ASB1: variants seen among roughly 807,000 people sequenced by gnomAD.
ASB1 encodes the protein ankyrin repeat and SOCS box protein 1.
ASB1 carries 18 observed loss-of-function variants against 27.7 expected under a neutral mutation model. The ratio of observed to expected loss-of-function variants is 0.65; its 90% CI spans 0.45 to 0.96. The LOEUF is 0.96. ASB1 is among the 50% of genes least tolerant of loss of function. ASB1 has a pLI of 0.00. For missense variants in ASB1, 397 were observed against 451.7 expected (o/e 0.88, Z 1.10); for synonymous variants, 189 against 187.6 (o/e 1.01, Z -0.06).
chr2:238,438,829 ATTTTAGAAAAAAGG>A (rs1702022958), intron 3 of ASB1, among the ~76,000 whole-genome samples: 1 of 152,198 alleles, frequency 6.6e-6, no homozygotes, highest in Non-Finnish European at 1.5e-5. Context: ...TATTGCCCAT[ATTTTAGAAAAAAGG>A]TACAGAGTGG....
chr2:238,427,498 G>A (rs113656277), intron 1 of ASB1: 2,704 of 187,420 alleles, frequency 0.014, 43 homozygotes, highest in Non-Finnish European at 0.02. Context: ...TAGCCCTAGG[G>A]AGGGCAGGCA....
In ASB1 at chr2:238,451,667, A is replaced by G. The variant is rs1702287864; in HGVS notation, c.*5156A>G. 1 of 152,648 alleles carries G rather than the reference A, an allele frequency of 6.6e-6. No homozygotes were observed. Among genetic ancestry groups the G allele is most frequent in the Admixed American group, 6.5e-5 (1 of 15,280 alleles). 9.5% of individuals were successfully genotyped at this position (152,648 alleles called of 1,614,324 possible). On this transcript the variant is annotated 3_prime_UTR_variant, in exon 5 of 5. Coordinates refer to ENST00000264607, the MANE Select transcript of ASB1 (RefSeq NM_001040445.3). ...ACTGTTTCTGCCCTTGTGCCTAGTTAAGAGCCTTCAAAAGCATAATGAACA... is the reference window on the plus strand; with the variant it reads ...ACTGTTTCTGCCCTTGTGCCTAGTTGAGAGCCTTCAAAAGCATAATGAACA...
At chr2:238,436,654 A>G (rs1389620872) in intron 3 of ASB1, among the ~76,000 whole-genome samples, 1 of 152,112 alleles carries the variant, frequency 6.6e-6, no homozygotes, top group African/African-American at 2.4e-5. Flanking sequence ...GTGCACCACA[A>G]TGCTGGCTTC....
chr2:238,437,163 T>C (rs1262408603), intron 3 of ASB1, among the ~76,000 whole-genome samples: 2 of 151,684 alleles, frequency 1.3e-5, no homozygotes, highest in Non-Finnish European at 2.9e-5. Context: ...ACTGTTTCCA[T>C]TTGATATCTT....
At chr2:238,427,445 C>T (rs1265004984) in intron 1 of ASB1, 2 of 257,376 alleles carry the variant, frequency 7.8e-6, no homozygotes, top group Non-Finnish European at 1.5e-5. Context: ...CGTGGGCCAC[C>T]TTCCAGCTCT....
At chr2:238,439,523 C>T (rs1294222597) in intron 3 of ASB1, among the ~76,000 whole-genome samples, 1 of 152,200 alleles carries the variant, frequency 6.6e-6, no homozygotes, top group Non-Finnish European at 1.5e-5. Context: ...GTCCTCCCTG[C>T]ACCCTGCGTG....
chr2:238,434,528 G>C (rs760376850), intron 2 of ASB1, among the ~76,000 whole-genome samples: 1 of 152,174 alleles, frequency 6.6e-6, no homozygotes, highest in Admixed American at 6.5e-5. Flanking sequence ...ACTTTTCTTT[G>C]CATAGTTCCC....
At chr2:238,446,262 G>A (rs867640926) in intron 4 of ASB1, 122 bp from the exon 5 acceptor site, 8 of 1,143,574 alleles carry the variant, frequency 7.0e-6, no homozygotes, top group Admixed American at 4.9e-5. Context: ...TTCACTGAGC[G>A]TTTTGAAGTT....
In ASB1 at chr2:238,427,444, C is replaced by T. The variant is rs1574998858; in HGVS notation, c.49+325C>T. Reference sequence around the variant, plus strand: ...AACCGCAAAAGTAGGACGTGGGCCACCTTCCAGCTCTGAGCGCACGGATCA... The same window carrying T: ...AACCGCAAAAGTAGGACGTGGGCCATCTTCCAGCTCTGAGCGCACGGATCA... On this transcript the variant is annotated intron_variant, in intron 1 of 4. Transcript: ENST00000264607. The T allele has an allele frequency of 1.2e-5, 3 of 259,452 alleles. No homozygotes were observed. In the East Asian group the frequency reaches 2.0e-4, roughly 18 times the overall value. 16.1% of individuals were successfully genotyped at this position (259,452 alleles called of 1,614,324 possible). A position where few individuals can be genotyped will look rare whatever the true frequency, so the allele number is the denominator to read the frequency against.
chr2:238,437,829 T>C (rs1575004610), intron 3 of ASB1, among the ~76,000 whole-genome samples: 1 of 152,346 alleles, frequency 6.6e-6, no homozygotes, highest in East Asian at 1.9e-4. Context: ...GAATATGGTC[T>C]TTAAATTAGG....
Position 238,449,359 on chromosome 2 carries a change from C to G in ASB1, c.*2848C>G, listed in dbSNP as rs571683516. 6.6e-6 allele frequency: 1 copy of G among 152,458 alleles called. No individual in the cohort carries two copies. The highest frequency in any genetic ancestry group is 2.1e-4 in the South Asian group (1 of 4,838). 9.4% of individuals were successfully genotyped at this position (152,458 alleles called of 1,614,324 possible). A position where few individuals can be genotyped will look rare whatever the true frequency, so the allele number is the denominator to read the frequency against. ...CAGTGAGGCTGCTGCCTGGCTGGCC[C>G]GGAGTCCTCCCTAGGAGAGGGGCTC... is the stretch of plus-strand genomic sequence containing the variant. On this transcript the variant is annotated 3_prime_UTR_variant, in exon 5 of 5. Transcript: ENST00000264607.
Position 238,435,931 on chromosome 2 carries a change from A to G in ASB1, c.412A>G (p.Asn138Asp), listed in dbSNP as rs2106405203. Residue 138 changes from asparagine to aspartate, a missense_variant, in exon 3 of 5, where the codon AAC becomes GAC. Transcript: ENST00000264607. ...QILLEAGADP[N>D]GSRHHRSTPV... ...CCTTCTCGAAGCTGGCGCGGACCCC[A>G]ACGGAAGCCGGCACCATCGCAGCAC... 1 of 1,614,168 alleles carries G rather than the reference A, an allele frequency of 6.2e-7. No individual in the cohort carries two copies. The highest frequency in any genetic ancestry group is 1.1e-5 in the South Asian group (1 of 91,088).
rs1701913313 is a variant in ASB1, at chr2:238,433,670, C to T, written c.166C>T (p.Leu56=). The change falls in exon 2 of 5, where the codon CTA becomes TTA. Residue 56 remains leucine, a synonymous_variant. Transcript: ENST00000264607. ...YVGDLQTLRS[L]LQEESYRSRI... ...CGGGGACCTCCAGACCCTCAGGAGCCTATTGCAAGAGGAGAGCTACCGGAG... is the reference window on the plus strand; with the variant it reads ...CGGGGACCTCCAGACCCTCAGGAGCTTATTGCAAGAGGAGAGCTACCGGAG... 2 of 1,613,944 alleles carry T rather than the reference C, an allele frequency of 1.2e-6. No individual in the cohort carries two copies. The highest frequency in any genetic ancestry group is 2.7e-5 in the African/African-American group (2 of 74,936).
chr2:238,440,656 C>G (rs1254069301), intron 3 of ASB1, among the ~76,000 whole-genome samples: 1 of 152,184 alleles, frequency 6.6e-6, no homozygotes, highest in Non-Finnish European at 1.5e-5. Context: ...GATCCCTGTT[C>G]AGAGTGAAAA....
Position 238,446,535 on chromosome 2 carries a change from C to T in ASB1, c.*24C>T. Reference sequence around the variant, plus strand: ...AGACTCCAAGTGCTGCGGTTGATTCCAGTGAGGGAGAAAGTGATCTGCAGG... The same window carrying T: ...AGACTCCAAGTGCTGCGGTTGATTCTAGTGAGGGAGAAAGTGATCTGCAGG... On this transcript the variant is annotated 3_prime_UTR_variant, in exon 5 of 5. Coordinates refer to ENST00000264607, the MANE Select transcript of ASB1 (RefSeq NM_001040445.3). 6.2e-7 allele frequency: 1 copy of T among 1,611,998 alleles called. No individual in the cohort carries two copies. The highest frequency in any genetic ancestry group is 8.5e-7 in the Non-Finnish European group (1 of 1,179,788).
chr2:238,443,192 T>C (rs1427237544), intron 3 of ASB1, among the ~76,000 whole-genome samples: 2 of 152,224 alleles, frequency 1.3e-5, no homozygotes, highest in Non-Finnish European at 2.9e-5. Flanking sequence ...GCTATGTCTT[T>C]CCATTCTCTT....
Position 238,447,257 on chromosome 2 carries a change from C to G in ASB1, c.*746C>G, listed in dbSNP as rs1036204848. 6.5e-6 allele frequency: 1 copy of G among 152,746 alleles called. No homozygotes were observed. Among genetic ancestry groups the G allele is most frequent in the African/African-American group, 2.4e-5 (1 of 41,438 alleles). The allele number at this position is 152,746 out of a possible 1,614,324, so 9.5% of individuals were successfully genotyped here. A position where few individuals can be genotyped will look rare whatever the true frequency, so the allele number is the denominator to read the frequency against. On this transcript the variant is annotated 3_prime_UTR_variant, in exon 5 of 5. Coordinates refer to ENST00000264607, the MANE Select transcript of ASB1 (RefSeq NM_001040445.3). ...GACTGCCTTCCTTGGGACCAAGGAC[C>G]GTTCCAACAGCATTCACTGCCAGTT...
intron 1 of ASB1, among the ~76,000 whole-genome samples, chr2:238,429,224 T>C (rs903211189): frequency 4.6e-5 from 7 of 152,150 alleles, no homozygotes; most frequent in African/African-American, 1.7e-4. Context: ...AGCCCCCTTA[T>C]GGAGGGGGTG....
rs1702181995 is a variant in ASB1 at position 238,446,454 on chromosome 2, T to A, written c.951T>A (p.His317Gln). Residue 317 changes from histidine to glutamine, a missense_variant, in exon 5 of 5, where the codon CAT becomes CAA. His to Gln is a conservative substitution (Grantham distance 24). Transcript: ENST00000264607. The part of the protein sequence containing the change: ...VRRALGKHRL[H>Q]LIPSLPLPDP... ...GAGCTCTTGGCAAACACCGGCTTCA[T>A]CTGATTCCTTCGCTGCCTCTGCCAG... 6.2e-7 allele frequency: 1 copy of A among 1,614,074 alleles called. No homozygotes were observed. The highest frequency in any genetic ancestry group is 1.3e-5 in the African/African-American group (1 of 74,936).
Sources: allele counts gnomAD v4.1 joint callset (sites outside exome capture counted in the v4.1 genomes callset), GRCh38; gene constraint gnomAD v4.1.1; transcripts MANE v1.5; gene names NCBI Gene and HGNC (gene_info 2026-07-23, HGNC 2026-07-21).